The following ATRAID variants were observed in gnomAD, a reference collection of about 807,000 sequenced individuals.
ATRAID encodes the protein all-trans retinoic acid induced differentiation factor, also known as all-trans retinoic acid-induced differentiation factor.
In ATRAID, 26 loss-of-function variants were observed where a neutral mutation model predicts 28.8. The ratio of observed to expected loss-of-function variants is 0.90; its 90% CI spans 0.66 to 1.25. ATRAID has a LOEUF of 1.25. ATRAID is among the 50% of genes most tolerant of loss of function. The pLI is 0.00. For missense variants in ATRAID, 308 were observed against 285.9 expected, an observed-to-expected ratio of 1.08 and a Z score of -0.56; for synonymous variants, 131 against 108.5, an observed-to-expected ratio of 1.21 and a Z score of -1.29.
At chr2:27,214,580 G>A (rs952466854) in intron 2 of ATRAID, among the ~76,000 whole-genome samples, 3 of 152,228 alleles carry the variant, frequency 2.0e-5, no homozygotes, top group South Asian at 2.1e-4. Context: ...CGAGCCAGGC[G>A]CGGTGGCTCA....
intron 1 of ATRAID, 167 bp from the exon 2 acceptor site, chr2:27,213,010 C>A (rs1306495781): frequency 6.2e-6 from 5 of 806,156 alleles, no homozygotes; most frequent in Non-Finnish European, 9.6e-6. Context: ...GAGATGGCAT[C>A]TCCTAGCCTA....
At chr2:27,212,704 A>G (rs1451270681) in intron 1 of ATRAID, 9 of 1,293,286 alleles carry the variant, frequency 7.0e-6, no homozygotes, top group Non-Finnish European at 8.0e-6. Flanking sequence ...CCTTAATTTT[A>G]GAATAACTTT....
Position 27,216,635 on chromosome 2 carries a change from C to CGTCT in ATRAID, c.585+16_585+19dup. 1 of 1,601,562 alleles carries CGTCT rather than the reference C, an allele frequency of 6.2e-7. No individual in the cohort carries two copies. The highest frequency in any genetic ancestry group is 8.6e-7 in the Non-Finnish European group (1 of 1,168,778). ...GTATGCGCCAGGTGAGGAATTAGGCCGTCTAACTAGGGATACAAGGAATGC... is the reference window on the plus strand; with the variant it reads ...GTATGCGCCAGGTGAGGAATTAGGCCGTCTGTCTAACTAGGGATACAAGGAATGC... On this transcript the variant is annotated intron_variant, in intron 6 of 6. Coordinates refer to ENST00000380171, the MANE Select transcript of ATRAID (RefSeq NM_001170795.4).
Position 27,212,398 on chromosome 2 carries a change from G to T in ATRAID, c.30G>T (p.Thr10=). The part of the protein sequence containing the change: MAPHDPGSL[T]TLVPWAAALL... ...CGCCTCACGACCCGGGTAGTCTTACGACCCTGGTGCCCTGGGCTGCCGCCC... is the reference window on the plus strand; with the variant it reads ...CGCCTCACGACCCGGGTAGTCTTACTACCCTGGTGCCCTGGGCTGCCGCCC... The change falls in exon 1 of 7, where the codon ACG becomes ACT. Residue 10 remains threonine (T), a synonymous_variant. Transcript: ENST00000380171. 6.4e-7 allele frequency: 1 copy of T among 1,551,502 alleles called. No individual in the cohort carries two copies. Among genetic ancestry groups the T allele is most frequent in the Middle Eastern group, 1.7e-4 (1 of 5,940 alleles).
At chr2:27,212,704 A>C in intron 1 of ATRAID, 7 of 1,293,406 alleles carry the variant, frequency 5.4e-6, no homozygotes, top group East Asian at 2.9e-5. Context: ...CCTTAATTTT[A>C]GAATAACTTT....
intron 2 of ATRAID, among the ~76,000 whole-genome samples, chr2:27,215,048 G>A (rs942541887): frequency 3.9e-5 from 6 of 152,058 alleles, no homozygotes; most frequent in Non-Finnish European, 5.9e-5. Flanking sequence ...ATCCTCCCCC[G>A]CTTGGCCTCC....
In ATRAID at chr2:27,216,308, G is replaced by T; in HGVS notation, c.488-215G>T. On this transcript the variant is annotated intron_variant, in intron 5 of 6. Coordinates refer to ENST00000380171, the MANE Select transcript of ATRAID (RefSeq NM_001170795.4). The stretch of plus-strand genomic sequence containing the variant: ...CTTTTGTGGATCTTCAGTTGCTTCA[G>T]ACCATCTGGATGTATACGTGCAGGT... 3 of 547,584 alleles carry T rather than the reference G, an allele frequency of 5.5e-6. No individual in the cohort carries two copies. The South Asian group carries it at 6.3e-5, about 11-fold the overall frequency. 33.9% of individuals were successfully genotyped at this position (547,584 alleles called of 1,614,324 possible). A position where few individuals can be genotyped will look rare whatever the true frequency, so the allele number is the denominator to read the frequency against.
rs781726654 is a variant in ATRAID at position 27,215,401 on chromosome 2, T to G, written c.293+9T>G. The G allele has an allele frequency of 8.2e-5, 133 of 1,614,004 alleles. No individual in the cohort carries two copies. The highest frequency in any genetic ancestry group is 1.1e-4 in the Non-Finnish European group (125 of 1,179,984). ...CATACCACTGTCATCATGTAAGTAG[T>G]TAGGTACCTCCCACCCAAAAGGCTA... On this transcript the variant is annotated intron_variant, in intron 3 of 6. Transcript: ENST00000380171.
At chr2:27,213,390 T>A in intron 2 of ATRAID, 92 bp downstream of exon 2, 1 of 1,473,254 alleles carries the variant, frequency 6.8e-7, no homozygotes, top group Non-Finnish European at 9.1e-7. Flanking sequence ...ATCCACCTAT[T>A]ATGGTTTCAG....
intron 2 of ATRAID, 54 bp downstream of exon 2, chr2:27,213,352 G>A (rs528967805): frequency 6.3e-7 from 1 of 1,582,606 alleles, no homozygotes; most frequent in African/African-American, 1.4e-5. Context: ...TAGCCTGGCT[G>A]CTTTTATACC....
At position 27,213,058 on chromosome 2, in the gene ATRAID, T is replaced by C. The variant is rs1006381863; in HGVS notation, c.100-119T>C. The C allele has an allele frequency of 4.6e-6, 6 of 1,301,550 alleles. 1 individual carries two copies. In the Admixed American group the frequency reaches 1.2e-4, roughly 26 times the overall value. 80.6% of individuals were successfully genotyped at this position (1,301,550 alleles called of 1,614,324 possible). On this transcript the variant is annotated intron_variant, in intron 1 of 6. Transcript: ENST00000380171. ...GGTGGGACACGAGCCGTTTATCCAT[T>C]TATCGGCCCCGTGTTAGAGGAATTC...
At position 27,213,260 on chromosome 2, in the gene ATRAID, T is replaced by C. The variant is rs1375015352; in HGVS notation, c.183T>C (p.His61=). 1.2e-6 allele frequency: 2 copies of C among 1,614,210 alleles called. No homozygotes were observed. Among genetic ancestry groups the C allele is most frequent in the East Asian group, 4.5e-5 (2 of 44,888 alleles). Residue 61 remains histidine, a synonymous_variant, in exon 2 of 7, where the codon CAT becomes CAC. Transcript: ENST00000380171. The stretch of plus-strand genomic sequence containing the variant: ...AAACGACACGAGAGCTAATGCTGCA[T>C]GCCCGTTGCTGCCTGAATCAGAAGG... The part of the protein sequence containing the change: ...YCKTTRELML[H]ARCCLNQKGT...
chr2:27,212,179 T>G lies in ATRAID; in HGVS notation c.-190T>G. 6.5e-7 allele frequency: 1 copy of G among 1,538,792 alleles called. No individual in the cohort carries two copies. Among genetic ancestry groups the G allele is most frequent in the Non-Finnish European group, 8.7e-7 (1 of 1,143,558 alleles). ...GGAAAAGGAAGAGGGGGTCGGCCAGTATCCCCGAAAGAGGGCTAGGGCGCA... is the reference window on the plus strand; with the variant it reads ...GGAAAAGGAAGAGGGGGTCGGCCAGGATCCCCGAAAGAGGGCTAGGGCGCA... On this transcript the variant is annotated 5_prime_UTR_variant, in exon 1 of 7. Transcript: ENST00000380171.
chr2:27,214,183 G>A (rs1357126950), intron 2 of ATRAID, among the ~76,000 whole-genome samples: 1 of 152,120 alleles, frequency 6.6e-6, no homozygotes, highest in African/African-American at 2.4e-5. Context: ...CAGTGCTCTT[G>A]TTCCTCTAAC....
In ATRAID at chr2:27,212,194, G is replaced by A; in HGVS notation, c.-175G>A. On this transcript the variant is annotated 5_prime_UTR_variant, in exon 1 of 7. Transcript: ENST00000380171. ...GGTCGGCCAGTATCCCCGAAAGAGG[G>A]CTAGGGCGCATGAAGACCAGCGCAG... 6.4e-7 allele frequency: 1 copy of A among 1,551,434 alleles called. No individual in the cohort carries two copies. The highest frequency in any genetic ancestry group is 1.2e-5 in the South Asian group (1 of 84,064).
In ATRAID at chr2:27,212,329, G is replaced by T. The variant is rs1007788608; in HGVS notation, c.-40G>T. On this transcript the variant is annotated 5_prime_UTR_variant, in exon 1 of 7. Coordinates refer to ENST00000380171, the MANE Select transcript of ATRAID (RefSeq NM_001170795.4). ...ACGCGCTGCGGGGCGGGGCCGCGGG[G>T]CCGGGTCGCGCGAGCAGCGGAGCAC... 3.9e-6 allele frequency: 6 copies of T among 1,549,372 alleles called. No homozygotes were observed. Among genetic ancestry groups the T allele is most frequent in the Non-Finnish European group, 5.2e-6 (6 of 1,146,272 alleles).
chr2:27,213,001 A>AG, intron 1 of ATRAID, 176 bp from the exon 2 acceptor site: 1 of 733,650 alleles, frequency 1.4e-6, no homozygotes, highest in East Asian at 2.8e-5. Flanking sequence ...CTGGAGGAAG[A>AG]GATGGCATCT....
At chr2:27,216,347 A>T (rs1674831291) in intron 5 of ATRAID, 176 bp from the exon 6 acceptor site, 1 of 614,886 alleles carries the variant, frequency 1.6e-6, no homozygotes, top group Non-Finnish European at 2.9e-6. Flanking sequence ...AGGGGATATG[A>T]TAGCTTAGCT....
At position 27,212,130 on chromosome 2, in the gene ATRAID, G is replaced by A. The variant is rs1472722124; in HGVS notation, c.-239G>A. 7 of 1,505,702 alleles carry A rather than the reference G, an allele frequency of 4.6e-6. No individual in the cohort carries two copies. Among genetic ancestry groups the A allele is most frequent in the East Asian group, 2.6e-5 (1 of 38,224 alleles). The allele number at this position is 1,505,702 out of a possible 1,614,324, so 93.3% of individuals were successfully genotyped here. A position where few individuals can be genotyped will look rare whatever the true frequency, so the allele number is the denominator to read the frequency against. On this transcript the variant is annotated 5_prime_UTR_variant, in exon 1 of 7. Transcript: ENST00000380171. ...AGTCGGCTCCGGGAAGCCGCGCGGC[G>A]ACGGGGGAGGCCTTCACTAAAGGGG...
Sources: gnomAD v4.1 joint callset for allele counts (sites outside exome capture counted in the v4.1 genomes callset) on GRCh38, gnomAD v4.1.1 for gene constraint, MANE v1.5 for transcripts, NCBI Gene and HGNC (gene_info 2026-07-23, HGNC 2026-07-21) for gene names.